GRIA4: variants seen among roughly 807,000 people sequenced by gnomAD.
The protein encoded by GRIA4 is glutamate ionotropic receptor AMPA type subunit 4, also known as glutamate receptor 4.
A neutral mutation model predicts 104.0 loss-of-function variants in GRIA4; 34 were observed. That is an observed-to-expected ratio of 0.33 (90% confidence interval 0.25 to 0.44). The LOEUF (loss-of-function observed/expected upper bound fraction) is 0.44. Among genes scored for constraint, GRIA4 ranks in the 20% least tolerant of loss-of-function variants. The probability of loss-of-function intolerance (pLI) is 1.00; values close to 1 mark genes in which losing one functional copy is unlikely to be tolerated. For synonymous variants in GRIA4, 386 were observed against 381.9 expected, an observed-to-expected ratio of 1.01 and a Z score of -0.13; for missense variants, 750 against 1,096.5, an observed-to-expected ratio of 0.68 and a Z score of 4.46.
chr11:105,815,177 C>T (rs1331924643), intron 4 of GRIA4, among the ~76,000 whole-genome samples: 1 of 152,168 alleles, frequency 6.6e-6, no homozygotes. Flanking sequence ...ACCAGCCTTC[C>T]TACCTGACAT....
chr11:105,631,291 G>A (rs1951029459), intron 3 of GRIA4, among the ~76,000 whole-genome samples: 1 of 152,130 alleles, frequency 6.6e-6, no homozygotes, highest in Non-Finnish European at 1.5e-5. Context: ...TTTAAAAGAT[G>A]TTCTCTCTTT....
chr11:105,764,976 C>A (rs1181228998), intron 4 of GRIA4, among the ~76,000 whole-genome samples: 1 of 152,102 alleles, frequency 6.6e-6, no homozygotes, highest in South Asian at 2.1e-4. Flanking sequence ...TCAGCACTAC[C>A]CATTGGAGCA....
At chr11:105,892,799 A>C (rs1436406537) in intron 6 of GRIA4, among the ~76,000 whole-genome samples, 1 of 152,184 alleles carries the variant, frequency 6.6e-6, no homozygotes, top group East Asian at 1.9e-4. Flanking sequence ...TTTTTACAAC[A>C]TGGTAAGCTA....
intron 4 of GRIA4, among the ~76,000 whole-genome samples, chr11:105,767,577 T>C (rs1317840854): frequency 6.6e-6 from 1 of 151,662 alleles, no homozygotes; most frequent in African/African-American, 2.4e-5. Context: ...GGAAAAGGAG[T>C]GATCATAGAT....
intron 14 of GRIA4, among the ~76,000 whole-genome samples, chr11:105,948,577 T>TTCTTC (rs1948375429): frequency 6.9e-6 from 1 of 145,150 alleles, no homozygotes; most frequent in South Asian, 2.2e-4. Context: ...TTTCTTTCTT[T>TTCTTC]TCTTTTCTTT....
chr11:105,654,530 A>G (rs1011111366), intron 3 of GRIA4, among the ~76,000 whole-genome samples: 5 of 152,144 alleles, frequency 3.3e-5, no homozygotes, highest in Non-Finnish European at 5.9e-5. Flanking sequence ...ACACACACAC[A>G]CATAATGTTA....
At chr11:105,784,277 T>C (rs1941859656) in intron 4 of GRIA4, among the ~76,000 whole-genome samples, 1 of 152,236 alleles carries the variant, frequency 6.6e-6, no homozygotes, top group Non-Finnish European at 1.5e-5. Flanking sequence ...TGCAAATTAA[T>C]TGCAATACAA....
intron 3 of GRIA4, among the ~76,000 whole-genome samples, chr11:105,631,621 T>C (rs17104338): frequency 0.02 from 2,974 of 152,314 alleles, 82 homozygotes; most frequent in African/African-American, 0.061. Context: ...TAGTGTTCAG[T>C]TGTAACTTTA....
chr11:105,926,372 T>C (rs1947704795), intron 12 of GRIA4, among the ~76,000 whole-genome samples: 1 of 152,138 alleles, frequency 6.6e-6, no homozygotes, highest in African/African-American at 2.4e-5. Flanking sequence ...TTTTATCTCA[T>C]CAACCATAGG....
chr11:105,845,100 G>A (rs1316667133), intron 4 of GRIA4, among the ~76,000 whole-genome samples: 2 of 152,064 alleles, frequency 1.3e-5, no homozygotes, highest in East Asian at 3.9e-4. Flanking sequence ...CAGGTGAGTG[G>A]GCTTAGCTAC....
chr11:105,671,325 T>C (rs1952356824), intron 3 of GRIA4, among the ~76,000 whole-genome samples: 1 of 151,840 alleles, frequency 6.6e-6, no homozygotes, highest in South Asian at 2.1e-4. Flanking sequence ...ATAGAAGAGG[T>C]GGTCAACAGA....
rs991769241 is a variant in GRIA4, at chr11:105,637,950, C to A, written c.247+25516C>A. Among the ~76,000 whole-genome samples the A allele has an allele frequency of 2.0e-4, 31 of 152,024 alleles. 1 individual carries two copies. The highest frequency in any genetic ancestry group is 1.9e-3 in the Admixed American group (29 of 15,244). On this transcript the variant is annotated intron_variant, in intron 3 of 16. Coordinates refer to ENST00000282499, the MANE Select transcript of GRIA4 (RefSeq NM_000829.4). ...GTCTAAATTCTTTTTTAATTTCATT[C>A]ATTTATTTTTAAATTGACAAATAAT...
At chr11:105,794,386 C>G (rs748668597) in intron 4 of GRIA4, among the ~76,000 whole-genome samples, 1 of 144,780 alleles carries the variant, frequency 6.9e-6, no homozygotes, top group Admixed American at 6.9e-5. Flanking sequence ...GCAAATAGAA[C>G]AGGAACTGGT....
chr11:105,774,506 C>G (rs11226843), intron 4 of GRIA4, among the ~76,000 whole-genome samples: 68,956 of 151,824 alleles, frequency 0.45, 16,054 homozygotes, highest in Middle Eastern at 0.52. Flanking sequence ...ATTCAAAAGG[C>G]AAATATGTTT....
chr11:105,662,762 CA>C (rs763704994), intron 3 of GRIA4, among the ~76,000 whole-genome samples: 2 of 151,750 alleles, frequency 1.3e-5, no homozygotes, highest in Non-Finnish European at 2.9e-5. Context: ...AATGATGTGG[CA>C]GAAAGCTACA....
At chr11:105,972,155 T>C in intron 15 of GRIA4, 127 bp downstream of exon 15, 1 of 538,914 alleles carries the variant, frequency 1.9e-6, no homozygotes, top group Non-Finnish European at 3.4e-6. Context: ...AATTAAAAGC[T>C]AATGTCATAA....
intron 4 of GRIA4, among the ~76,000 whole-genome samples, chr11:105,811,058 C>G (rs531768416): frequency 4.6e-5 from 7 of 151,918 alleles, no homozygotes; most frequent in East Asian, 1.9e-4. Flanking sequence ...GAGGGTTGAA[C>G]TATTTGGGAG....
chr11:105,857,148 C>A (rs1945036769), intron 4 of GRIA4, among the ~76,000 whole-genome samples: 1 of 152,104 alleles, frequency 6.6e-6, no homozygotes, highest in Non-Finnish European at 1.5e-5. Context: ...TATTTCAGTA[C>A]TAAGCTGCTT....
At chr11:105,856,512 A>T (rs1945012576) in intron 4 of GRIA4, among the ~76,000 whole-genome samples, 1 of 152,134 alleles carries the variant, frequency 6.6e-6, no homozygotes, top group Non-Finnish European at 1.5e-5. Flanking sequence ...AGTTTCCTGA[A>T]GCCTCCACAC....
Sources: gnomAD v4.1 joint callset for allele counts (sites outside exome capture counted in the v4.1 genomes callset) on GRCh38, gnomAD v4.1.1 for gene constraint, MANE v1.5 for transcripts, NCBI Gene and HGNC (gene_info 2026-07-23, HGNC 2026-07-21) for gene names.